Variants in SYNPR observed in about 807,000 individuals in gnomAD.
SYNPR encodes synaptoporin.
SYNPR carries 23 observed loss-of-function variants against 32.9 expected under a neutral mutation model. The observed-to-expected ratio is 0.70, with a 90% CI of 0.50 to 0.99. The LOEUF is 0.99. Among genes scored for constraint, SYNPR ranks in the 50% least tolerant of loss-of-function variants. SYNPR has a pLI of 0.00. For missense variants in SYNPR, 318 were observed against 349.3 expected, an observed-to-expected ratio of 0.91 and a Z score of 0.71; for synonymous variants, 146 against 135.9, an observed-to-expected ratio of 1.07 and a Z score of -0.52.
intron 4 of SYNPR, among the ~76,000 whole-genome samples, chr3:63,561,169 C>A (rs1274011269): frequency 1.3e-5 from 2 of 152,092 alleles, no homozygotes; most frequent in Non-Finnish European, 2.9e-5. Flanking sequence ...ATTTATAGTC[C>A]TCTGGGACAT....
chr3:63,318,445 A>G (rs535259790), intron 2 of SYNPR, among the ~76,000 whole-genome samples: 1 of 151,896 alleles, frequency 6.6e-6, no homozygotes, highest in East Asian at 2.0e-4. Flanking sequence ...GACTTTGTTC[A>G]TATTTTCTTA....
the SYNPR span, among the ~76,000 whole-genome samples, chr3:63,211,462 A>G: frequency 6.6e-6 from 1 of 152,204 alleles, no homozygotes; most frequent in Non-Finnish European, 1.5e-5. Context: ...TTGCAGCAAT[A>G]GTATTCTGTT....
At chr3:63,318,677 G>A (rs1184961924) in intron 2 of SYNPR, among the ~76,000 whole-genome samples, 1 of 151,618 alleles carries the variant, frequency 6.6e-6, no homozygotes, top group Admixed American at 6.6e-5. Context: ...CATTTTTTTG[G>A]ATTTCTTTGC....
chr3:63,333,364 C>G (rs2087250436), intron 2 of SYNPR, among the ~76,000 whole-genome samples: 1 of 151,746 alleles, frequency 6.6e-6, no homozygotes. Context: ...AGAGAAGAGC[C>G]CCAATTTCAA....
intron 2 of SYNPR, among the ~76,000 whole-genome samples, chr3:63,367,662 G>C (rs1354537213): frequency 6.6e-6 from 1 of 152,008 alleles, no homozygotes; most frequent in Non-Finnish European, 1.5e-5. Context: ...ATCTGGCCTT[G>C]AATTATAATT....
At chr3:63,507,328 TG>T (rs1313282681) in intron 3 of SYNPR, among the ~76,000 whole-genome samples, 1 of 152,026 alleles carries the variant, frequency 6.6e-6, no homozygotes, top group Non-Finnish European at 1.5e-5. Flanking sequence ...GTCACAAAAT[TG>T]CTTCTGTAGT....
At chr3:63,209,085 A>G in the SYNPR span, among the ~76,000 whole-genome samples, 8 of 152,254 alleles carry the variant, frequency 5.3e-5, no homozygotes, top group South Asian at 1.4e-3. Context: ...CATATCACTC[A>G]TCTGGAAATA....
At chr3:63,520,010 T>C (rs1186482673) in intron 3 of SYNPR, among the ~76,000 whole-genome samples, 1 of 152,188 alleles carries the variant, frequency 6.6e-6, no homozygotes, top group Non-Finnish European at 1.5e-5. Context: ...TATCTAAACA[T>C]ATAAATCTCC....
chr3:63,421,252 T>C (rs1345182849), intron 2 of SYNPR, among the ~76,000 whole-genome samples: 4 of 152,106 alleles, frequency 2.6e-5, no homozygotes, highest in African/African-American at 9.7e-5. Flanking sequence ...TTAACTTTAC[T>C]AGTAATCAGG....
At position 63,605,364 on chromosome 3, in the gene SYNPR, C is replaced by T. The variant is rs964176329; in HGVS notation, c.409-3761C>T. ...CAAGACAGGAATTTGCCCTTCTACACGATGGCCCTAAGGGATAGGAAAGGA... is the reference window on the plus strand; with the variant it reads ...CAAGACAGGAATTTGCCCTTCTACATGATGGCCCTAAGGGATAGGAAAGGA... On this transcript the variant is annotated intron_variant, in intron 4 of 5. Coordinates refer to ENST00000478300, the MANE Select transcript of SYNPR (RefSeq NM_001130003.2). 5.3e-5 allele frequency among the ~76,000 whole-genome samples: 8 copies of T among 152,214 alleles called. No individual in the cohort carries two copies. In the South Asian group the frequency reaches 6.2e-4, roughly 12 times the overall value.
At chr3:63,430,777 C>A (rs1186346610) in intron 2 of SYNPR, among the ~76,000 whole-genome samples, 1 of 149,786 alleles carries the variant, frequency 6.7e-6, no homozygotes, top group Non-Finnish European at 1.5e-5. Context: ...TTTTTTTTTT[C>A]TTTCTGAAGA....
intron 2 of SYNPR, among the ~76,000 whole-genome samples, chr3:63,332,505 A>G (rs2087241208): frequency 6.6e-6 from 1 of 152,200 alleles, no homozygotes; most frequent in African/African-American, 2.4e-5. Context: ...AGTACTTTGC[A>G]CAGACTACTT....
At chr3:63,431,984 A>C (rs991581869) in intron 2 of SYNPR, among the ~76,000 whole-genome samples, 1 of 152,080 alleles carries the variant, frequency 6.6e-6, no homozygotes, top group South Asian at 2.1e-4. Context: ...GTTCTCTCTA[A>C]CTGAGGGCTT....
rs117399029 is a variant in SYNPR, at chr3:63,459,356, C to G, written c.85-21476C>G. On this transcript the variant is annotated intron_variant, in intron 2 of 5. Transcript: ENST00000478300. ...TTTAAACTCTGACCCACCTCCATAA[C>G]TCAGACCACATTTCCTTCTGCACAG... 8.4e-3 allele frequency among the ~76,000 whole-genome samples: 1,279 copies of G among 152,188 alleles called. 55 individuals are homozygous for G. The East Asian group carries it at 0.13, about 16-fold the overall frequency.
chr3:63,528,853 A>G (rs1702062985), intron 3 of SYNPR, among the ~76,000 whole-genome samples: 1 of 152,194 alleles, frequency 6.6e-6, no homozygotes, highest in Admixed American at 6.5e-5. Flanking sequence ...GCTGAAATAT[A>G]TGATGTCTTC....
intron 3 of SYNPR, among the ~76,000 whole-genome samples, chr3:63,488,161 C>T (rs1701190691): frequency 6.6e-6 from 1 of 152,112 alleles, no homozygotes; most frequent in African/African-American, 2.4e-5. Context: ...CCATAATAGC[C>T]AATTTGGGGA....
rs35963299 is a variant in SYNPR, at chr3:63,272,510, ATT to A, written n.287+5077_287+5078del. 4.2e-3 allele frequency among the ~76,000 whole-genome samples: 568 copies of A among 136,248 alleles called. 1 individual carries two copies. The highest frequency in any genetic ancestry group is 0.013 in the African/African-American group (498 of 37,376). The allele number at this position is 136,248 out of a possible 152,430, so 89.4% of individuals were successfully genotyped here. A position where few individuals can be genotyped will look rare whatever the true frequency, so the allele number is the denominator to read the frequency against. On this transcript the variant is annotated intron_variant and non_coding_transcript_variant, in intron 3 of 4. Transcript: ENST00000478456. Reference sequence around the variant, plus strand: ...AAACTGACCCAATCGTTCCATGGGCATTTTTTTTTTTTTTTTTGGATAAACAT... The same window carrying A: ...AAACTGACCCAATCGTTCCATGGGCATTTTTTTTTTTTTTTGGATAAACAT...
intron 3 of SYNPR, among the ~76,000 whole-genome samples, chr3:63,553,271 A>C (rs978926144): frequency 6.6e-6 from 1 of 152,150 alleles, no homozygotes; most frequent in East Asian, 1.9e-4. Flanking sequence ...ACATAATTTC[A>C]TTCTTTTTTT....
intron 2 of SYNPR, among the ~76,000 whole-genome samples, chr3:63,354,026 T>C (rs1159313272): frequency 1.3e-5 from 2 of 152,192 alleles, no homozygotes; most frequent in East Asian, 1.9e-4. Context: ...CTGACACTTA[T>C]TAAGCTGCCA....
Sources: allele counts gnomAD v4.1 joint callset (sites outside exome capture counted in the v4.1 genomes callset), GRCh38; gene constraint gnomAD v4.1.1; transcripts MANE v1.5; gene names NCBI Gene and HGNC (gene_info 2026-07-23, HGNC 2026-07-21).